Variants in MEGF11 observed in about 807,000 individuals in gnomAD.
MEGF11 encodes the protein multiple epidermal growth factor-like domains protein 11.
A neutral mutation model predicts 146.6 loss-of-function variants in MEGF11; 126 were observed. The ratio of observed to expected loss-of-function variants is 0.86; its 90% CI spans 0.74 to 1.00. The LOEUF (loss-of-function observed/expected upper bound fraction) is 1.00, where lower values mean the gene tolerates loss of function less well. MEGF11 is among the 50% of genes least tolerant of loss of function. The pLI is 0.00. For missense variants in MEGF11, 1,509 were observed against 1,521.2 expected, an observed-to-expected ratio of 0.99 and a Z score of 0.13; for synonymous variants, 532 against 583.4, an observed-to-expected ratio of 0.91 and a Z score of 1.27.
intron 1 of MEGF11, among the ~76,000 whole-genome samples, chr15:66,131,117 G>T (rs1352841261): frequency 2.0e-5 from 3 of 152,248 alleles, no homozygotes; most frequent in Non-Finnish European, 4.4e-5. Context: ...AGCAGAGGAA[G>T]TTGCAGAGGT....
chr15:66,045,999 A>T (rs1311913878), intron 5 of MEGF11, among the ~76,000 whole-genome samples: 1 of 152,142 alleles, frequency 6.6e-6, no homozygotes, highest in Admixed American at 6.5e-5. Flanking sequence ...GCTACTCGGG[A>T]GGCTGAGGCA....
In MEGF11 at chr15:65,982,175, C is replaced by A; in HGVS notation, c.641+67G>T. ...GCCCCTCCACCTCCTCTACCCTCCC[C>A]ACCCAGGCACCCTCCAGGTCCCGCC... On this transcript the variant is annotated intron_variant, in intron 6 of 25. Coordinates refer to ENST00000395614, the MANE Select transcript of MEGF11 (RefSeq NM_001385028.1). The surrounding 1 kb of genome is among the most constrained non-coding windows in gnomAD (Gnocchi z 5.6). 1 of 1,482,274 alleles carries A rather than the reference C, an allele frequency of 6.7e-7. No individual in the cohort carries two copies. The highest frequency in any genetic ancestry group is 9.0e-7 in the Non-Finnish European group (1 of 1,113,736). The allele number at this position is 1,482,274 out of a possible 1,614,324, so 91.8% of individuals were successfully genotyped here. A position where few individuals can be genotyped will look rare whatever the true frequency, so the allele number is the denominator to read the frequency against.
chr15:66,249,959 T>C (rs1287282663), intron 1 of MEGF11, among the ~76,000 whole-genome samples: 1 of 152,244 alleles, frequency 6.6e-6, no homozygotes, highest in South Asian at 2.1e-4. Context: ...ACCTGGATTC[T>C]ATACGGGCTG....
At chr15:66,203,410 G>A (rs924886007) in intron 1 of MEGF11, among the ~76,000 whole-genome samples, 1 of 152,210 alleles carries the variant, frequency 6.6e-6, no homozygotes, top group African/African-American at 2.4e-5. Context: ...ATTTGGAACT[G>A]GCAACTGAGG....
chr15:65,938,587 G>T (rs1363455750), intron 10 of MEGF11, among the ~76,000 whole-genome samples: 2 of 152,134 alleles, frequency 1.3e-5, no homozygotes, highest in Non-Finnish European at 2.9e-5. Flanking sequence ...AGGTCCCCAT[G>T]CTTCTGCTGG....
intron 5 of MEGF11, among the ~76,000 whole-genome samples, chr15:66,015,990 T>TAGGC: frequency 6.6e-6 from 1 of 151,194 alleles, no homozygotes; most frequent in Middle Eastern, 3.4e-3. Flanking sequence ...GGTGGGTGGG[T>TAGGC]AGGCATTGGG....
chr15:66,224,637 T>C (rs961600203), intron 1 of MEGF11, among the ~76,000 whole-genome samples: 3 of 90,752 alleles, frequency 3.3e-5, no homozygotes, highest in African/African-American at 1.0e-4. Context: ...ATATTATTAC[T>C]TATTATATTA....
chr15:66,215,656 T>C (rs1053243158), intron 1 of MEGF11, among the ~76,000 whole-genome samples: 5 of 152,030 alleles, frequency 3.3e-5, no homozygotes, highest in Admixed American at 6.5e-5. Flanking sequence ...CGAGACAAGA[T>C]TGAAATGGGG....
intron 5 of MEGF11, among the ~76,000 whole-genome samples, chr15:66,087,010 G>A (rs991284573): frequency 6.6e-6 from 1 of 152,152 alleles, no homozygotes; most frequent in Non-Finnish European, 1.5e-5. Context: ...CCAAAAGCGA[G>A]CAGGGGTAGC....
chr15:65,997,456 A>G (rs560873751), intron 5 of MEGF11, among the ~76,000 whole-genome samples: 1 of 152,324 alleles, frequency 6.6e-6, no homozygotes, highest in African/African-American at 2.4e-5. Flanking sequence ...ACAGTAAGCA[A>G]AGCAAGGCCT....
intron 5 of MEGF11, among the ~76,000 whole-genome samples, chr15:66,038,395 G>A (rs2083807259): frequency 2.6e-5 from 4 of 152,150 alleles, no homozygotes; most frequent in Admixed American, 2.0e-4. Flanking sequence ...TTATAAAATC[G>A]AGGGATGGTT....
chr15:66,155,388 G>A (rs963292456), intron 1 of MEGF11, among the ~76,000 whole-genome samples: 2 of 152,168 alleles, frequency 1.3e-5, no homozygotes, highest in South Asian at 2.1e-4. Context: ...TAAGAGACCG[G>A]GTTCTCTGAG....
At chr15:66,170,039 A>G (rs1460844894) in intron 1 of MEGF11, among the ~76,000 whole-genome samples, 1 of 152,210 alleles carries the variant, frequency 6.6e-6, no homozygotes, top group African/African-American at 2.4e-5. Flanking sequence ...TCCAGAATGA[A>G]ACCTAACTTG....
At position 66,198,361 on chromosome 15, in the gene MEGF11, C is replaced by T. The variant is rs147966867; in HGVS notation, c.-9+55244G>A. On this transcript the variant is annotated intron_variant, in intron 1 of 25. Coordinates refer to ENST00000395614, the MANE Select transcript of MEGF11 (RefSeq NM_001385028.1). ...CCCTCATCTACCATTTCTCTGATCGCGCACAAACCTCTTCAGTTTCCCCCA... is the reference window on the plus strand; with the variant it reads ...CCCTCATCTACCATTTCTCTGATCGTGCACAAACCTCTTCAGTTTCCCCCA... Among the ~76,000 whole-genome samples the T allele has an allele frequency of 1.1e-3, 165 of 152,362 alleles. 1 individual carries two copies. In the East Asian group the frequency reaches 0.022, roughly 20 times the overall value.
intron 1 of MEGF11, among the ~76,000 whole-genome samples, chr15:66,154,393 G>T (rs1211409620): frequency 1.3e-5 from 2 of 152,182 alleles, no homozygotes; most frequent in African/African-American, 4.8e-5. Flanking sequence ...CCCCGCAAGA[G>T]CCAAGGGGCT....
chr15:66,037,989 CA>C (rs2083791454), intron 5 of MEGF11, among the ~76,000 whole-genome samples: 1 of 152,184 alleles, frequency 6.6e-6, no homozygotes, highest in Non-Finnish European at 1.5e-5. Context: ...TTGAAACACT[CA>C]AAAAATTCTT....
At chr15:66,077,052 T>C (rs1034420267) in intron 5 of MEGF11, among the ~76,000 whole-genome samples, 2 of 152,140 alleles carry the variant, frequency 1.3e-5, no homozygotes, top group East Asian at 3.8e-4. Flanking sequence ...AGTGAGTAGA[T>C]GAAAAATAAG....
At chr15:65,922,602 C>G in intron 14 of MEGF11, 130 bp from the exon 15 acceptor site, 1 of 1,371,790 alleles carries the variant, frequency 7.3e-7, no homozygotes, top group Admixed American at 2.8e-5. Context: ...GGGCGCATCC[C>G]TTTCTGCAGA....
intron 1 of MEGF11, among the ~76,000 whole-genome samples, chr15:66,245,363 C>T (rs936662970): frequency 2.0e-5 from 3 of 152,024 alleles, no homozygotes; most frequent in Admixed American, 2.0e-4. Context: ...CACAGTGGCG[C>T]ACTCCTGTAA....
Sources: allele counts gnomAD v4.1 joint callset (sites outside exome capture counted in the v4.1 genomes callset), GRCh38; gene constraint gnomAD v4.1.1; non-coding constraint Gnocchi (gnomAD v3.1); transcripts MANE v1.5; gene names NCBI Gene and HGNC (gene_info 2026-07-23, HGNC 2026-07-21).